GTF2A1: variants seen among roughly 807,000 people sequenced by gnomAD.
The protein encoded by GTF2A1 is general transcription factor IIA subunit 1.
In GTF2A1, 12 loss-of-function variants were observed where a neutral mutation model predicts 54.1. The ratio of observed to expected loss-of-function variants is 0.22; its 90% CI spans 0.14 to 0.36. GTF2A1 has a LOEUF of 0.36. GTF2A1 is among the 10% of genes least tolerant of loss of function. GTF2A1 has a pLI of 1.00. For synonymous variants in GTF2A1, 145 were observed against 152.0 expected, an observed-to-expected ratio of 0.95 and a Z score of 0.34; for missense variants, 335 against 442.2, an observed-to-expected ratio of 0.76 and a Z score of 2.17.
In GTF2A1 at chr14:81,176,053, A is replaced by C. The variant is rs1318461378; in HGVS notation, c.*4170T>G. On this transcript the variant is annotated 3_prime_UTR_variant, in exon 9 of 9. Transcript: ENST00000553612. The stretch of plus-strand genomic sequence containing the variant: ...GTTGTTGTTAAATGGAATTCTCATT[A>C]ACAATGTAAAGCATTTTCCTTTCTA... 1 of 152,184 alleles carries C rather than the reference A, an allele frequency of 6.6e-6. No individual in the cohort carries two copies. The highest frequency in any genetic ancestry group is 1.9e-4 in the East Asian group (1 of 5,200). The allele number at this position is 152,184 out of a possible 1,614,324, so 9.4% of individuals were successfully genotyped here.
At chr14:81,187,813 C>G (rs1054988697) in intron 7 of GTF2A1, among the ~76,000 whole-genome samples, 3 of 152,114 alleles carry the variant, frequency 2.0e-5, no homozygotes, top group African/African-American at 7.2e-5. Context: ...TGTTGAAAAA[C>G]ATGTTTTCAG....
At chr14:81,217,684 T>C (rs1398377523) in intron 1 of GTF2A1, among the ~76,000 whole-genome samples, 2 of 152,084 alleles carry the variant, frequency 1.3e-5, no homozygotes, top group African/African-American at 2.4e-5. Flanking sequence ...CCCAGCTGCT[T>C]GGGAGGCTGA....
At chr14:81,213,529 C>T (rs1354903411) in intron 2 of GTF2A1, among the ~76,000 whole-genome samples, 2 of 152,118 alleles carry the variant, frequency 1.3e-5, no homozygotes, top group African/African-American at 4.8e-5. Flanking sequence ...TACAAGGTCA[C>T]AAAACTACAA....
At chr14:81,196,055 A>G in intron 6 of GTF2A1, 53 bp downstream of exon 6, 1 of 1,512,942 alleles carries the variant, frequency 6.6e-7, no homozygotes, top group South Asian at 1.1e-5. Flanking sequence ...CCCAGGGAAT[A>G]CATACAGAAT....
intron 3 of GTF2A1, 83 bp downstream of exon 3, chr14:81,203,817 C>CA: frequency 8.1e-7 from 1 of 1,230,900 alleles, no homozygotes; most frequent in African/African-American, 1.5e-5. Context: ...AGACAAGATC[C>CA]AAAAAATGCA....
Position 81,203,900 on chromosome 14 carries a change from C to T in GTF2A1, c.337G>A (p.Ala113Thr), listed in dbSNP as rs751481940. The T allele has an allele frequency of 5.0e-6, 8 of 1,610,226 alleles. No homozygotes were observed. Among genetic ancestry groups the T allele is most frequent in the Admixed American group, 3.3e-5 (2 of 59,972 alleles). Residue 113 changes from alanine to threonine, a missense_variant and splice_region_variant, in exon 3 of 9, where the codon GCC becomes ACC. Coordinates refer to ENST00000553612, the MANE Select transcript of GTF2A1 (RefSeq NM_015859.4). ...QQVLIPASQQ[A>T]TAPQVIVPDS... Reference sequence around the variant, plus strand: ...AGTAGGAAAACAAGTCCAGTCTCACCTTGCTGTGATGCAGGAATAAGAACC... The same window carrying T: ...AGTAGGAAAACAAGTCCAGTCTCACTTTGCTGTGATGCAGGAATAAGAACC...
chr14:81,219,167 T>C (rs1313324099), intron 1 of GTF2A1, among the ~76,000 whole-genome samples: 2 of 152,288 alleles, frequency 1.3e-5, no homozygotes, highest in East Asian at 1.9e-4. Context: ...GATTCGGATA[T>C]ATTCCCCCTA....
intron 3 of GTF2A1, among the ~76,000 whole-genome samples, chr14:81,203,534 A>C (rs1325253260): frequency 3.3e-5 from 5 of 152,226 alleles, no homozygotes; most frequent in Non-Finnish European, 5.9e-5. Flanking sequence ...AAAATAATAA[A>C]TCCCTTAGTA....
At chr14:81,181,342 TAAA>T (rs545488574) in intron 8 of GTF2A1, among the ~76,000 whole-genome samples, 1 of 138,402 alleles carries the variant, frequency 7.2e-6, no homozygotes, top group Admixed American at 7.3e-5. Context: ...TAAAGGTACC[TAAA>T]AAAAAAAAAA....
At chr14:81,212,261 T>G (rs1320444339) in intron 2 of GTF2A1, among the ~76,000 whole-genome samples, 1 of 152,190 alleles carries the variant, frequency 6.6e-6, no homozygotes, top group Non-Finnish European at 1.5e-5. Flanking sequence ...CATAGGTAGG[T>G]TGGAAAATCT....
chr14:81,179,620 A>G lies in GTF2A1; in HGVS notation c.*603T>C, dbSNP rs993781790. The G allele has an allele frequency of 9.8e-5, 15 of 152,348 alleles. No homozygotes were observed. The highest frequency in any genetic ancestry group is 3.1e-4 in the African/African-American group (13 of 41,586). The allele number at this position is 152,348 out of a possible 1,614,324, so 9.4% of individuals were successfully genotyped here. A position where few individuals can be genotyped will look rare whatever the true frequency, so the allele number is the denominator to read the frequency against. Reference sequence around the variant, plus strand: ...TTTTATCTCCAAACTATGATCACTGATAACTTTAAATCTTAAATAGATGTT... The same window carrying G: ...TTTTATCTCCAAACTATGATCACTGGTAACTTTAAATCTTAAATAGATGTT... On this transcript the variant is annotated 3_prime_UTR_variant, in exon 9 of 9. Transcript: ENST00000553612.
chr14:81,220,699 G>C lies in GTF2A1; in HGVS notation c.-181C>G. 2 of 372,766 alleles carry C rather than the reference G, an allele frequency of 5.4e-6. No individual in the cohort carries two copies. Among genetic ancestry groups the C allele is most frequent in the Non-Finnish European group, 9.5e-6 (2 of 210,306 alleles). 23.1% of individuals were successfully genotyped at this position (372,766 alleles called of 1,614,324 possible). On this transcript the variant is annotated 5_prime_UTR_variant, in exon 1 of 9. Coordinates refer to ENST00000553612, the MANE Select transcript of GTF2A1 (RefSeq NM_015859.4). The stretch of plus-strand genomic sequence containing the variant: ...AGAGCGGAGAGAGGAGGAGGAGGGG[G>C]GCACTCCTCCCGCAGCTGAAAACCT...
chr14:81,178,470 A>C lies in GTF2A1; in HGVS notation c.*1753T>G, dbSNP rs977165156. 6.6e-6 allele frequency: 1 copy of C among 152,168 alleles called. No homozygotes were observed. Among genetic ancestry groups the C allele is most frequent in the African/African-American group, 2.4e-5 (1 of 41,438 alleles). The allele number at this position is 152,168 out of a possible 1,614,324, so 9.4% of individuals were successfully genotyped here. ...ACTAAATTAATATAGTCAAAATAAA[A>C]GCTGTATTACCAGTTATGGCATCTA... On this transcript the variant is annotated 3_prime_UTR_variant, in exon 9 of 9. Coordinates refer to ENST00000553612, the MANE Select transcript of GTF2A1 (RefSeq NM_015859.4).
At chr14:81,202,552 G>T (rs951983968) in intron 3 of GTF2A1, 2 of 432,642 alleles carry the variant, frequency 4.6e-6, no homozygotes, top group Non-Finnish European at 9.1e-6. Flanking sequence ...TGCTGATCAG[G>T]TGTCCAAATA....
At chr14:81,207,139 GTACCTACCTACCTACCTACCTACC>G (rs58629753) in intron 2 of GTF2A1, among the ~76,000 whole-genome samples, 25 of 147,894 alleles carry the variant, frequency 1.7e-4, no homozygotes, top group African/African-American at 3.0e-4. Flanking sequence ...ACCTACCTAC[GTACCTACCTACCTACCTACCTACC>G]TACCTACCTA....
intron 2 of GTF2A1, among the ~76,000 whole-genome samples, chr14:81,212,730 G>C (rs1893400321): frequency 6.6e-6 from 1 of 152,158 alleles, no homozygotes; most frequent in Non-Finnish European, 1.5e-5. Flanking sequence ...CTAAACCTGA[G>C]CAGTCCAATA....
chr14:81,186,712 G>A (rs1892755396), intron 7 of GTF2A1, among the ~76,000 whole-genome samples: 1 of 152,148 alleles, frequency 6.6e-6, no homozygotes, highest in Non-Finnish European at 1.5e-5. Context: ...ACTTTGGGTG[G>A]CCTAGGCGGG....
At chr14:81,206,011 G>A (rs1470475826) in intron 2 of GTF2A1, among the ~76,000 whole-genome samples, 1 of 152,062 alleles carries the variant, frequency 6.6e-6, no homozygotes, top group East Asian at 1.9e-4. Flanking sequence ...TGTTTCTTGT[G>A]AGCCAAAAAT....
intron 3 of GTF2A1, chr14:81,202,885 A>G (rs1177070170): frequency 6.8e-6 from 3 of 440,056 alleles, no homozygotes; most frequent in Non-Finnish European, 1.3e-5. Flanking sequence ...CATTAAAATT[A>G]GGTATGAAAA....
Sources: allele counts gnomAD v4.1 joint callset (sites outside exome capture counted in the v4.1 genomes callset), GRCh38; gene constraint gnomAD v4.1.1; transcripts MANE v1.5; gene names NCBI Gene and HGNC (gene_info 2026-07-23, HGNC 2026-07-21).